The following CDH13 variants were observed in gnomAD, a reference collection of about 807,000 sequenced individuals.
CDH13 encodes cadherin 13, also known as cadherin-13.
A neutral mutation model predicts 63.8 loss-of-function variants in CDH13; 24 were observed. The observed-to-expected ratio is 0.38, with a 90% CI of 0.27 to 0.53. The LOEUF (loss-of-function observed/expected upper bound fraction) is 0.53, where lower values mean the gene tolerates loss of function less well. Ranked by LOEUF, CDH13 falls within the 20% of genes least tolerant of loss-of-function variation. The pLI is 0.85. For missense variants in CDH13, 1,049 were observed against 903.1 expected (o/e 1.16, Z -2.07); for synonymous variants, 503 against 355.3 (o/e 1.42, Z -4.67).
rs75901262 is a variant in CDH13, at chr16:83,114,053, C to G, written c.367-11332C>G. ...CAATTTCAGACTCCCCTGATGAAAACTGTTACTTCTGTTCTCCACTCCCTT... is the reference window on the plus strand; with the variant it reads ...CAATTTCAGACTCCCCTGATGAAAAGTGTTACTTCTGTTCTCCACTCCCTT... On this transcript the variant is annotated intron_variant, in intron 3 of 13. Coordinates refer to ENST00000567109, the MANE Select transcript of CDH13 (RefSeq NM_001257.5). Among the ~76,000 whole-genome samples the G allele has an allele frequency of 3.1e-3, 465 of 152,240 alleles. 1 individual carries two copies. Among genetic ancestry groups the G allele is most frequent in the African/African-American group, 0.011 (445 of 41,528 alleles).
chr16:82,943,163 T>C (rs1023858035), intron 2 of CDH13, among the ~76,000 whole-genome samples: 2 of 152,220 alleles, frequency 1.3e-5, no homozygotes, highest in Admixed American at 1.3e-4. Context: ...TATTGTCATC[T>C]CCCACTTACT....
At chr16:83,317,786 C>T (rs1020214709) in intron 5 of CDH13, among the ~76,000 whole-genome samples, 1 of 150,528 alleles carries the variant, frequency 6.6e-6, no homozygotes, top group African/African-American at 2.5e-5. Context: ...AGTGACAAAG[C>T]GAGACTCTGT....
chr16:83,720,076 G>A (rs1207942091), intron 10 of CDH13, among the ~76,000 whole-genome samples: 1 of 152,168 alleles, frequency 6.6e-6, no homozygotes, highest in Non-Finnish European at 1.5e-5. Flanking sequence ...TAAATGAGAA[G>A]GGAACAGGGT....
At chr16:82,804,312 C>CACACACACACACACACACAT (rs58046063) in intron 1 of CDH13, among the ~76,000 whole-genome samples, 21 of 148,268 alleles carry the variant, frequency 1.4e-4, no homozygotes, top group African/African-American at 5.0e-4. Context: ...CACACACACA[C>CACACACACACACACACACAT]GCACACACAT....
chr16:83,176,370 C>T (rs1050563217), intron 4 of CDH13, among the ~76,000 whole-genome samples: 1 of 151,542 alleles, frequency 6.6e-6, no homozygotes, highest in Non-Finnish European at 1.5e-5. Flanking sequence ...ATTAGCCTGG[C>T]GTGGTGGCAG....
Position 83,795,366 on chromosome 16 carries a change from T to A in CDH13, c.*336T>A. ...CCAGTGCTCCAGGCACCCAGCTTTG[T>A]CTGTGGGTTAGTATTGGTGTATGTA... On this transcript the variant is annotated 3_prime_UTR_variant, in exon 14 of 14. Coordinates refer to ENST00000567109, the MANE Select transcript of CDH13 (RefSeq NM_001257.5). The A allele has an allele frequency of 3.0e-6, 1 of 335,628 alleles. No homozygotes were observed. The highest frequency in any genetic ancestry group is 5.5e-6 in the Non-Finnish European group (1 of 180,452). The allele number at this position is 335,628 out of a possible 1,614,324, so 20.8% of individuals were successfully genotyped here.
At chr16:82,773,519 G>A (rs760151673) in intron 1 of CDH13, 1 of 152,212 alleles carries the variant, frequency 6.6e-6, no homozygotes, top group Admixed American at 6.5e-5. Context: ...TTGAACATTA[G>A]GTAGGTCTCA....
chr16:83,672,409 CTTTTTTTTTTTTTTTTTTT>C (rs34156503), intron 9 of CDH13, among the ~76,000 whole-genome samples: 880 of 35,262 alleles, frequency 0.025, 38 homozygotes, highest in Non-Finnish European at 0.031. Flanking sequence ...TCTGGATTCT[CTTTTTTTTTTTTTTTTTTT>C]TTTTTTTTTT....
chr16:82,942,529 G>A (rs370522188), intron 2 of CDH13, among the ~76,000 whole-genome samples: 24 of 152,258 alleles, frequency 1.6e-4, no homozygotes, highest in South Asian at 4.2e-4. Context: ...CTTTCTGAGC[G>A]GATGTGCCAT....
intron 10 of CDH13, among the ~76,000 whole-genome samples, chr16:83,712,885 G>A (rs951628008): frequency 1.3e-5 from 2 of 152,194 alleles, no homozygotes; most frequent in African/African-American, 2.4e-5. Flanking sequence ...AAGTTTGTTG[G>A]TACATCACCT....
intron 2 of CDH13, among the ~76,000 whole-genome samples, chr16:82,948,490 G>A (rs1411552300): frequency 6.6e-6 from 1 of 152,142 alleles, no homozygotes; most frequent in Non-Finnish European, 1.5e-5. Flanking sequence ...CTTCCTTGAA[G>A]AAGAATTATT....
intron 6 of CDH13, among the ~76,000 whole-genome samples, chr16:83,412,568 G>A (rs546207258): frequency 2.6e-5 from 4 of 152,340 alleles, no homozygotes; most frequent in South Asian, 2.1e-4. Context: ...CAGCCACCTC[G>A]AAATGGGAGG....
intron 5 of CDH13, among the ~76,000 whole-genome samples, chr16:83,328,772 C>A (rs897874937): frequency 5.9e-5 from 9 of 152,008 alleles, no homozygotes; most frequent in Non-Finnish European, 1.3e-4. Flanking sequence ...GGCATTGTAC[C>A]AACATTCACC....
chr16:82,798,591 C>G (rs1011859141), intron 1 of CDH13, among the ~76,000 whole-genome samples: 3 of 152,138 alleles, frequency 2.0e-5, no homozygotes, highest in African/African-American at 7.2e-5. Flanking sequence ...TGTCTAATTA[C>G]TCAGGGCTGT....
intron 10 of CDH13, among the ~76,000 whole-genome samples, chr16:83,737,701 A>C (rs1022351029): frequency 6.6e-6 from 1 of 152,220 alleles, no homozygotes; most frequent in African/African-American, 2.4e-5. Context: ...AAAAATGGAA[A>C]GGTCCCATCA....
chr16:83,185,173 G>A (rs1296041650), intron 4 of CDH13, among the ~76,000 whole-genome samples: 1 of 152,116 alleles, frequency 6.6e-6, no homozygotes, highest in Non-Finnish European at 1.5e-5. Context: ...TTGTATCCAA[G>A]CAGCCTGGCT....
At chr16:83,205,290 C>G (rs570476046) in intron 4 of CDH13, among the ~76,000 whole-genome samples, 7 of 152,284 alleles carry the variant, frequency 4.6e-5, no homozygotes, top group Non-Finnish European at 5.9e-5. Flanking sequence ...TTACAAATAC[C>G]TAGTTATTCA....
intron 10 of CDH13, chr16:83,717,995 C>G (rs1033288648): frequency 1.3e-5 from 2 of 152,264 alleles, no homozygotes; most frequent in African/African-American, 2.4e-5. Context: ...GAACAATCAA[C>G]CGCTGTCTGG....
chr16:82,661,148 T>A (rs1236811301), intron 1 of CDH13, among the ~76,000 whole-genome samples: 1 of 152,170 alleles, frequency 6.6e-6, no homozygotes, highest in African/African-American at 2.4e-5. Context: ...TTTGCCTCTT[T>A]TCATCCTGAT....
Sources: allele counts gnomAD v4.1 joint callset (sites outside exome capture counted in the v4.1 genomes callset), GRCh38; gene constraint gnomAD v4.1.1; transcripts MANE v1.5; gene names NCBI Gene and HGNC (gene_info 2026-07-23, HGNC 2026-07-21).